The following SERPINI2 variants were observed in gnomAD, a reference collection of about 807,000 sequenced individuals.
SERPINI2 encodes serpin I2.
SERPINI2 carries 48 observed loss-of-function variants against 47.3 expected under a neutral mutation model. The observed-to-expected ratio is 1.02, with a 90% CI of 0.81 to 1.29. SERPINI2 has a LOEUF of 1.29. Ranked by LOEUF, SERPINI2 falls within the 50% of genes most tolerant of loss-of-function variation. The pLI is 0.00. For missense variants in SERPINI2, 448 were observed against 456.9 expected (o/e 0.98, Z 0.18); for synonymous variants, 135 against 149.3 (o/e 0.90, Z 0.70).
chr3:167,451,947 GATCT>G (rs1749652500), intron 6 of SERPINI2, among the ~76,000 whole-genome samples: 1 of 152,174 alleles, frequency 6.6e-6, no homozygotes, highest in Non-Finnish European at 1.5e-5. Context: ...AGAGAAGTCA[GATCT>G]ATCTGTCAGT....
At chr3:167,451,652 G>A (rs1749644308) in intron 6 of SERPINI2, among the ~76,000 whole-genome samples, 1 of 152,170 alleles carries the variant, frequency 6.6e-6, no homozygotes, top group Admixed American at 6.5e-5. Flanking sequence ...AGTCTTTTAT[G>A]AAACATTTTG....
chr3:167,447,655 G>A (rs1281472543), intron 7 of SERPINI2, among the ~76,000 whole-genome samples: 1 of 152,190 alleles, frequency 6.6e-6, no homozygotes, highest in Non-Finnish European at 1.5e-5. Flanking sequence ...CCTCAGGTAA[G>A]CCACTTTACA....
intron 3 of SERPINI2, among the ~76,000 whole-genome samples, chr3:167,465,934 A>C (rs929969410): frequency 6.6e-6 from 1 of 152,182 alleles, no homozygotes; most frequent in South Asian, 2.1e-4. Context: ...AGACTCTCCA[A>C]TAAGATCATT....
chr3:167,456,383 T>C (rs920514246), intron 5 of SERPINI2, among the ~76,000 whole-genome samples: 1 of 152,148 alleles, frequency 6.6e-6, no homozygotes, highest in Non-Finnish European at 1.5e-5. Flanking sequence ...CCAGTCTCAT[T>C]TTCCTTGCCT....
At chr3:167,442,171 T>C (rs1030070816) in exon 9 of SERPINI2, 2 of 1,593,680 alleles carry the variant, frequency 1.3e-6, no homozygotes, top group East Asian at 2.3e-5. Flanking sequence ...ACTCTTCCCA[T>C]AAACAGAATT....
intron 2 of SERPINI2, among the ~76,000 whole-genome samples, chr3:167,467,788 C>A (rs1267878282): frequency 2.0e-5 from 3 of 152,098 alleles, no homozygotes; most frequent in Non-Finnish European, 4.4e-5. Context: ...TTAAATTTTA[C>A]AAGGCAACCT....
At chr3:167,444,477 T>C (rs1427426168) in intron 8 of SERPINI2, among the ~76,000 whole-genome samples, 1 of 152,194 alleles carries the variant, frequency 6.6e-6, no homozygotes, top group African/African-American at 2.4e-5. Flanking sequence ...ATCAACAGAA[T>C]ACACTTTATG....
chr3:167,467,440 G>C (rs949143772), intron 2 of SERPINI2, among the ~76,000 whole-genome samples, 155 bp from the exon 3 acceptor site: 1 of 151,932 alleles, frequency 6.6e-6, no homozygotes, highest in Admixed American at 6.6e-5. Flanking sequence ...ATATTTTAAG[G>C]ATGTATCTCC....
At chr3:167,476,616 T>C (rs1433321423), upstream of SERPINI2, among the ~76,000 whole-genome samples, 1 of 152,044 alleles carries the variant, frequency 6.6e-6, no homozygotes, top group Non-Finnish European at 1.5e-5. Context: ...CAGTAAAGTA[T>C]ATCTAGCAAA....
exon 1 of SERPINI2, chr3:167,474,077 C>A: frequency 9.8e-7 from 1 of 1,025,248 alleles, no homozygotes; most frequent in Non-Finnish European, 1.2e-6. Context: ...TGTACATAAA[C>A]ACCTGAGCGA....
At chr3:167,450,604 G>C (rs1250153443) in intron 6 of SERPINI2, among the ~76,000 whole-genome samples, 15 of 152,178 alleles carry the variant, frequency 9.9e-5, no homozygotes, top group Admixed American at 9.8e-4. Context: ...ATAGAAACCT[G>C]TAAAGTGGAG....
intron 6 of SERPINI2, among the ~76,000 whole-genome samples, chr3:167,451,341 T>C (rs564979228): frequency 6.6e-6 from 1 of 152,360 alleles, no homozygotes; most frequent in Non-Finnish European, 1.5e-5. Flanking sequence ...TCAAAACTTG[T>C]GAACTATATA....
intron 1 of SERPINI2, 71 bp downstream of exon 1, chr3:167,473,932 T>C (rs774915147): frequency 8.5e-7 from 1 of 1,175,838 alleles, no homozygotes; most frequent in South Asian, 3.9e-5. Context: ...TTCCATACTC[T>C]ACTAAACATT....
chr3:167,475,094 TTAAC>T (rs1454974920), upstream of SERPINI2, among the ~76,000 whole-genome samples: 1 of 151,724 alleles, frequency 6.6e-6, no homozygotes, highest in African/African-American at 2.4e-5. Flanking sequence ...AATCTACTAA[TTAAC>T]TAAAATTTTT....
intron 2 of SERPINI2, chr3:167,469,303 T>G (rs1009500023): frequency 2.6e-5 from 4 of 152,160 alleles, no homozygotes; most frequent in Non-Finnish European, 5.9e-5. Context: ...GTTCTAAAAT[T>G]CAGTGCATGT....
chr3:167,455,870 C>G (rs1344547765), intron 5 of SERPINI2, among the ~76,000 whole-genome samples: 1 of 152,110 alleles, frequency 6.6e-6, no homozygotes, highest in African/African-American at 2.4e-5. Context: ...CGTGAGAACT[C>G]TACGATGAGC....
chr3:167,446,663 G>T, intron 7 of SERPINI2, 182 bp from the exon 8 acceptor site: 1 of 409,726 alleles, frequency 2.4e-6, no homozygotes, highest in South Asian at 4.7e-5. Flanking sequence ...AAGTACTGAA[G>T]AATAAATATT....
At chr3:167,475,957 C>T (rs1174488209), upstream of SERPINI2, among the ~76,000 whole-genome samples, 1 of 151,724 alleles carries the variant, frequency 6.6e-6, no homozygotes, top group Non-Finnish European at 1.5e-5. Context: ...CAGTAAAGAA[C>T]TTAAAAGTTA....
At chr3:167,471,958 C>T (rs762946899) in intron 1 of SERPINI2, 114 bp from the exon 2 acceptor site, 63 of 684,912 alleles carry the variant, frequency 9.2e-5, no homozygotes, top group Middle Eastern at 8.3e-4. Flanking sequence ...CTTACTACCA[C>T]AAGTGAACTC....
Sources: gnomAD v4.1 joint callset for allele counts (sites outside exome capture counted in the v4.1 genomes callset) on GRCh38, gnomAD v4.1.1 for gene constraint, MANE v1.5 for transcripts, NCBI Gene and HGNC (gene_info 2026-07-23, HGNC 2026-07-21) for gene names.